The following TNC variants were observed in gnomAD, a reference collection of about 807,000 sequenced individuals.
TNC encodes tenascin C, also known as tenascin.
A neutral mutation model predicts 202.4 loss-of-function variants in TNC; 109 were observed. The observed-to-expected ratio is 0.54, with a 90% CI of 0.46 to 0.63. The LOEUF is 0.63. Ranked by LOEUF, TNC falls within the 30% of genes least tolerant of loss-of-function variation. TNC has a pLI of 0.00. For missense variants in TNC, 2,756 were observed against 2,833.3 expected (o/e 0.97, Z 0.62); for synonymous variants, 1,007 against 1,089.7 (o/e 0.92, Z 1.50).
intron 19 of TNC, 21 bp downstream of exon 19, chr9:115,040,920 C>T (rs1312188380): frequency 3.1e-6 from 5 of 1,605,602 alleles, no homozygotes; most frequent in Non-Finnish European, 4.3e-6. Flanking sequence ...CACACACACA[C>T]ACACAACCCC....
Position 115,077,111 on chromosome 9 carries a change from A to G in TNC, c.2675-536T>C, listed in dbSNP as rs145796919. On this transcript the variant is annotated intron_variant, in intron 7 of 27. Transcript: ENST00000350763. ...AGTCTCGCTCTTCACCCAGGTTGGA[A>G]TGCAGTGGTGCGATCTCGGCTCACT... Among the ~76,000 whole-genome samples the G allele has an allele frequency of 1.3e-4, 19 of 151,488 alleles. No individual in the cohort carries two copies. The East Asian group carries it at 1.6e-3, about 12-fold the overall frequency.
chr9:115,067,835 ATT>A (rs968535425), intron 10 of TNC, among the ~76,000 whole-genome samples: 33 of 142,882 alleles, frequency 2.3e-4, no homozygotes, highest in African/African-American at 8.2e-4. Flanking sequence ...TTTCTCTACT[ATT>A]TTTTTTTTTT....
At chr9:115,062,694 TTG>T (rs1832639836) in intron 13 of TNC, among the ~76,000 whole-genome samples, 1 of 151,514 alleles carries the variant, frequency 6.6e-6, no homozygotes, top group Admixed American at 6.6e-5. Context: ...AAGTATATAT[TTG>T]TGTGTGTGTA....
intron 22 of TNC, 92 bp from the exon 23 acceptor site, chr9:115,031,777 C>T (rs1829965041): frequency 6.7e-7 from 1 of 1,490,936 alleles, no homozygotes; most frequent in South Asian, 1.3e-5. Flanking sequence ...TTCATTTACC[C>T]ATCCATTCAC....
At chr9:115,036,834 C>T (rs935638151) in intron 20 of TNC, among the ~76,000 whole-genome samples, 12 of 152,158 alleles carry the variant, frequency 7.9e-5, no homozygotes, top group Admixed American at 3.9e-4. Flanking sequence ...GACCAACCAT[C>T]CTGGTTTGCC....
At chr9:115,034,013 G>A (rs1017227026) in intron 22 of TNC, among the ~76,000 whole-genome samples, 1 of 152,168 alleles carries the variant, frequency 6.6e-6, no homozygotes, top group South Asian at 2.1e-4. Flanking sequence ...TTGAACAAAG[G>A]TTTGGTTTGT....
At chr9:115,038,212 GCAGGAAAGA>G in intron 20 of TNC, 40 bp downstream of exon 20, 2 of 1,588,302 alleles carry the variant, frequency 1.3e-6, no homozygotes, top group Non-Finnish European at 1.7e-6. Flanking sequence ...AGAGTTTACA[GCAGGAAAGA>G]CACTCCTTAG....
intron 24 of TNC, 100 bp from the exon 25 acceptor site, chr9:115,029,556 G>A: frequency 2.6e-6 from 3 of 1,174,980 alleles, no homozygotes; most frequent in Non-Finnish European, 3.8e-6. Context: ...AGAGCATCAG[G>A]CTCCATTCTG....
intron 18 of TNC, 30 bp from the exon 19 acceptor site, chr9:115,041,114 T>A: frequency 6.3e-7 from 1 of 1,591,084 alleles, no homozygotes; most frequent in Non-Finnish European, 8.6e-7. Context: ...AGATGAGGAA[T>A]AATGAACCTC....
rs1302266132 is a variant in TNC at position 115,019,665 on chromosome 9, AATG to A, written c.*1489_*1491del. On this transcript the variant is annotated 3_prime_UTR_variant, in exon 28 of 28. Coordinates refer to ENST00000350763, the MANE Select transcript of TNC (RefSeq NM_002160.4). Reference sequence around the variant, plus strand: ...CCCAGTCCATCTCATATAAAGTGATAATGATGATAGCTAACATGTACTAGCACT... The same window carrying A: ...CCCAGTCCATCTCATATAAAGTGATAATGATAGCTAACATGTACTAGCACT... 1 of 152,266 alleles carries A rather than the reference AATG, an allele frequency of 6.6e-6. No homozygotes were observed. Among genetic ancestry groups the A allele is most frequent in the Non-Finnish European group, 1.5e-5 (1 of 68,054 alleles). 9.4% of individuals were successfully genotyped at this position (152,266 alleles called of 1,614,324 possible).
Position 115,024,069 on chromosome 9 carries a change from G to T in TNC, c.6399C>A (p.Ile2133=), listed in dbSNP as rs781437387. The T allele has an allele frequency of 1.2e-6, 2 of 1,614,168 alleles. No individual in the cohort carries two copies. Among genetic ancestry groups the T allele is most frequent in the Admixed American group, 3.3e-5 (2 of 60,032 alleles). The change falls in exon 27 of 28, where the codon ATC becomes ATA. Residue 2133 remains isoleucine, a synonymous_variant. Transcript: ENST00000350763. ...CTTTGTAGGACAGAGCACAGTTGGT[G>T]ATGGCTGAATCTGTGTCCTTGTCAA... is the stretch of plus-strand genomic sequence containing the variant. The part of the protein sequence containing the change: ...STFDKDTDSA[I]TNCALSYKGA...
intron 10 of TNC, among the ~76,000 whole-genome samples, chr9:115,068,579 T>G (rs1244519178): frequency 6.6e-6 from 1 of 152,192 alleles, no homozygotes; most frequent in African/African-American, 2.4e-5. Context: ...ATGAGAAGCC[T>G]TGGCTGCCTT....
At chr9:115,057,561 A>T in intron 14 of TNC, 136 bp from the exon 15 acceptor site, 1 of 979,700 alleles carries the variant, frequency 1.0e-6, no homozygotes, top group Non-Finnish European at 1.5e-6. Flanking sequence ...GATGGAAGGA[A>T]GCAATGTTAC....
Position 115,086,455 on chromosome 9 carries a change from C to G in TNC, c.1276G>C (p.Asp426His). Residue 426 changes from aspartate to histidine, a missense_variant, in exon 3 of 28, where the codon GAT (aspartate) becomes CAT (histidine). Asp to His is a moderately conservative substitution (Grantham distance 81, BLOSUM62 -1). This residue lies in a region of TNC where 2,559 missense variants were observed against 2,546.0 expected (regional missense o/e 1.01). Transcript: ENST00000350763. ...GRCVNGQCVC[D>H]EGYTGEDCSQ... ...CAGTCCTCCCCAGTATAGCCCTCAT[C>G]ACACACACACTGCCCATTGACACAG... The G allele has an allele frequency of 6.2e-7, 1 of 1,613,448 alleles. No homozygotes were observed. Among genetic ancestry groups the G allele is most frequent in the Non-Finnish European group, 8.5e-7 (1 of 1,179,914 alleles).
At position 115,024,102 on chromosome 9, in the gene TNC, G is replaced by A; in HGVS notation, c.6366C>T (p.Phe2122=). 6.2e-7 allele frequency: 1 copy of A among 1,614,120 alleles called. No homozygotes were observed. The highest frequency in any genetic ancestry group is 8.5e-7 in the Non-Finnish European group (1 of 1,179,978). The change falls in exon 27 of 28, where the codon TTC becomes TTT. Residue 2122 remains phenylalanine, a synonymous_variant. Coordinates refer to ENST00000350763, the MANE Select transcript of TNC (RefSeq NM_002160.4). ...DSMAYHNGRS[F]STFDKDTDSA... is the part of the protein sequence containing the mutation. ...AATCTGTGTCCTTGTCAAAGGTGGA[G>A]AAGGATCTGCCATTGTGGTAGGCCA...
intron 1 of TNC, among the ~76,000 whole-genome samples, chr9:115,099,291 A>AGG (rs1564144698): frequency 6.6e-6 from 1 of 152,228 alleles, no homozygotes; most frequent in Non-Finnish European, 1.5e-5. Context: ...AATGATGGAT[A>AGG]GGTCTTGCCC....
chr9:115,039,596 G>A (rs1830583246), intron 19 of TNC, among the ~76,000 whole-genome samples: 1 of 152,196 alleles, frequency 6.6e-6, no homozygotes, highest in Admixed American at 6.5e-5. Flanking sequence ...TTGTGCCCAT[G>A]CCAGCAGCCC....
chr9:115,087,693 CTTTTCTTTT>C (rs1257771416), intron 2 of TNC, among the ~76,000 whole-genome samples: 2 of 49,160 alleles, frequency 4.1e-5, no homozygotes, highest in Non-Finnish European at 8.6e-5. Context: ...CTATTTCTTT[CTTTTCTTTT>C]TTTTTTTTTT....
chr9:115,057,148 T>C lies in TNC; in HGVS notation c.4579+5A>G. ...TGCGTTAGAAATGGGAGAATGCACA[T>C]GTACCTGTCGTGGCTGTGGCACTGA... On this transcript the variant is annotated splice_donor_5th_base_variant and intron_variant, in intron 15 of 27. Transcript: ENST00000350763. 2 of 1,608,480 alleles carry C rather than the reference T, an allele frequency of 1.2e-6. No individual in the cohort carries two copies. Among genetic ancestry groups the C allele is most frequent in the East Asian group, 2.2e-5 (1 of 44,816 alleles).
Sources: allele counts gnomAD v4.1 joint callset (sites outside exome capture counted in the v4.1 genomes callset), GRCh38; gene constraint gnomAD v4.1.1; regional missense constraint gnomAD v4.1.1; transcripts MANE v1.5; gene names NCBI Gene and HGNC (gene_info 2026-07-23, HGNC 2026-07-21).